Variants in WWTR1 observed in about 807,000 individuals in gnomAD.
WWTR1 encodes WW domain-containing transcription regulator protein 1.
In WWTR1, 13 loss-of-function variants were observed where a neutral mutation model predicts 40.1. The ratio of observed to expected loss-of-function variants is 0.32; its 90% confidence interval spans 0.21 to 0.52. The LOEUF is 0.52. Ranked by LOEUF, WWTR1 falls within the 20% of genes least tolerant of loss-of-function variation. The pLI is 0.97. For synonymous variants in WWTR1, 230 were observed against 210.1 expected (o/e 1.09, Z -0.82); for missense variants, 436 against 523.1 (o/e 0.83, Z 1.63).
At chr3:149,693,893 T>C (rs922463059) in intron 1 of WWTR1, among the ~76,000 whole-genome samples, 7 of 152,154 alleles carry the variant, frequency 4.6e-5, no homozygotes, top group African/African-American at 1.7e-4. Context: ...ATTAAAGACT[T>C]AAATATAAGA....
intron 2 of WWTR1, among the ~76,000 whole-genome samples, chr3:149,605,236 T>C (rs976397436): frequency 3.9e-5 from 6 of 152,168 alleles, no homozygotes; most frequent in Admixed American, 1.3e-4. Context: ...AAGACATCTG[T>C]CTTTTTAGAA....
chr3:149,628,752 A>ATTTT (rs1164432642), intron 2 of WWTR1, among the ~76,000 whole-genome samples: 1 of 46,800 alleles, frequency 2.1e-5, no homozygotes, highest in African/African-American at 4.6e-5. Context: ...ATTTTATTTT[A>ATTTT]TTTTATTTTA....
chr3:149,667,364 G>A (rs766977950), intron 2 of WWTR1, among the ~76,000 whole-genome samples: 33 of 152,066 alleles, frequency 2.2e-4, no homozygotes, highest in Non-Finnish European at 3.8e-4. Context: ...TGGCTAACAT[G>A]GTGAAATCCC....
chr3:149,685,712 C>T (rs1463769194), intron 1 of WWTR1, among the ~76,000 whole-genome samples: 1 of 152,210 alleles, frequency 6.6e-6, no homozygotes, highest in Non-Finnish European at 1.5e-5. Flanking sequence ...CATTACTTCT[C>T]ATGGACTTAA....
Position 149,517,684 on chromosome 3 carries a change from C to T in WWTR1, c.*3121G>A, listed in dbSNP as rs1174019563. ...AAGTTTTCACTGTTTTACCTGTTTC[C>T]TGTATATGGTGTAATCAGTGAAAGA... On this transcript the variant is annotated 3_prime_UTR_variant, in exon 7 of 7. Transcript: ENST00000360632. 6.6e-6 allele frequency: 1 copy of T among 152,148 alleles called. No homozygotes were observed. The highest frequency in any genetic ancestry group is 6.5e-5 in the Admixed American group (1 of 15,270). 9.4% of individuals were successfully genotyped at this position (152,148 alleles called of 1,614,324 possible).
chr3:149,595,089 G>T (rs573678358), intron 2 of WWTR1, among the ~76,000 whole-genome samples: 1 of 146,898 alleles, frequency 6.8e-6, no homozygotes, highest in African/African-American at 2.5e-5. Context: ...AGCCTCCCTA[G>T]TAGCTGGGAC....
Position 149,572,959 on chromosome 3 carries a change from G to C in WWTR1, c.473C>G (p.Ala158Gly). 1 of 1,612,800 alleles carries C rather than the reference G, an allele frequency of 6.2e-7. No homozygotes were observed. The highest frequency in any genetic ancestry group is 2.2e-5 in the East Asian group (1 of 44,854). ...KITTWQDPRK[A>G]MNQPLNHMNL... is the part of the protein sequence containing the mutation. ...CATATGATTCAGAGGCTGATTCATCGCCTTCCTAGGGTCTTGCCATGTGGT... is the reference window on the plus strand; with the variant it reads ...CATATGATTCAGAGGCTGATTCATCCCCTTCCTAGGGTCTTGCCATGTGGT... The change falls in exon 3 of 7, where the codon GCG becomes GGG. Residue 158 changes from alanine to glycine, a missense_variant. By Grantham distance (60) the Ala-to-Gly change is moderately conservative (BLOSUM62 0). Transcript: ENST00000360632.
At chr3:149,675,181 T>C (rs1355498402) in intron 1 of WWTR1, among the ~76,000 whole-genome samples, 1 of 152,240 alleles carries the variant, frequency 6.6e-6, no homozygotes, top group African/African-American at 2.4e-5. Flanking sequence ...ACACTATCCC[T>C]GGCTCAGGGC....
chr3:149,693,595 AGT>A, intron 1 of WWTR1, among the ~76,000 whole-genome samples: 2 of 152,358 alleles, frequency 1.3e-5, no homozygotes, highest in Middle Eastern at 6.8e-3. Context: ...ACAGAGCTAT[AGT>A]AACTGAAACA....
rs1576531691 is a variant in WWTR1 at position 149,520,724 on chromosome 3, G to A, written c.*81C>T. On this transcript the variant is annotated 3_prime_UTR_variant, in exon 7 of 7. Transcript: ENST00000360632. ...GGAGGCGGGAAGTGGTGCACCTGCA[G>A]ACTTGCTCTGCTCCATCACTTTTTC... 7 of 1,350,758 alleles carry A rather than the reference G, an allele frequency of 5.2e-6. No homozygotes were observed. The East Asian group carries it at 1.9e-4, about 36-fold the overall frequency. 83.7% of individuals were successfully genotyped at this position (1,350,758 alleles called of 1,614,324 possible).
chr3:149,675,846 T>A (rs1714241773), intron 1 of WWTR1, among the ~76,000 whole-genome samples: 1 of 151,986 alleles, frequency 6.6e-6, no homozygotes. Context: ...GCCTCCCGAG[T>A]AGCTGAGACT....
At chr3:149,593,414 A>G (rs1217835039) in intron 2 of WWTR1, among the ~76,000 whole-genome samples, 1 of 149,286 alleles carries the variant, frequency 6.7e-6, no homozygotes, top group Admixed American at 6.7e-5. Flanking sequence ...TTGCATGCTC[A>G]TTGTAATTAC....
chr3:149,710,579 C>T (rs796540823), intron 5 of WWTR1, among the ~76,000 whole-genome samples: 9 of 86,620 alleles, frequency 1.0e-4, no homozygotes, highest in Non-Finnish European at 1.4e-4. Flanking sequence ...CTCCCCCCCC[C>T]CCCTTTTTTT....
chr3:149,582,495 G>A (rs1035627434), intron 2 of WWTR1, among the ~76,000 whole-genome samples: 2 of 152,056 alleles, frequency 1.3e-5, no homozygotes, highest in African/African-American at 2.4e-5. Flanking sequence ...GGAGGCTGAG[G>A]CAGGAGGATT....
At chr3:149,695,796 T>A (rs13086180) in intron 1 of WWTR1, among the ~76,000 whole-genome samples, 21,274 of 130,612 alleles carry the variant, frequency 0.16, 1,670 homozygotes, top group African/African-American at 0.2. Flanking sequence ...AAGAAAAAAA[T>A]ATATATATAT....
intron 4 of WWTR1, among the ~76,000 whole-genome samples, chr3:149,721,996 C>A (rs1715767982): frequency 1.3e-5 from 2 of 152,116 alleles, no homozygotes; most frequent in Admixed American, 1.3e-4. Context: ...AGAAATTTGT[C>A]TATTTCATCT....
chr3:149,684,350 C>T (rs963920524), intron 1 of WWTR1, among the ~76,000 whole-genome samples: 3 of 151,972 alleles, frequency 2.0e-5, no homozygotes, highest in Admixed American at 1.3e-4. Flanking sequence ...ATGATGATAT[C>T]GCCTACAGGG....
intron 2 of WWTR1, among the ~76,000 whole-genome samples, chr3:149,617,486 G>C (rs986086299): frequency 1.3e-5 from 2 of 152,120 alleles, no homozygotes; most frequent in Non-Finnish European, 2.9e-5. Flanking sequence ...TTCTAACAAA[G>C]GATTTGGAAC....
chr3:149,680,258 C>T (rs4681546), intron 1 of WWTR1, among the ~76,000 whole-genome samples: 57,434 of 151,992 alleles, frequency 0.38, 11,214 homozygotes, highest in Middle Eastern at 0.56. Context: ...AAATACTTAT[C>T]TGGGGCCGGG....
Sources: allele counts gnomAD v4.1 joint callset (sites outside exome capture counted in the v4.1 genomes callset), GRCh38; gene constraint gnomAD v4.1.1; transcripts MANE v1.5; gene names NCBI Gene and HGNC (gene_info 2026-07-23, HGNC 2026-07-21).